Variants in CYP4X1 observed in about 807,000 individuals in gnomAD.
The protein encoded by CYP4X1 is cytochrome P450 4X1.
CYP4X1 carries 44 observed loss-of-function variants against 57.9 expected under a neutral mutation model. That is an observed-to-expected ratio of 0.76 (90% confidence interval 0.60 to 0.98). The LOEUF is 0.98. Among genes scored for constraint, CYP4X1 ranks in the 50% least tolerant of loss-of-function variants. The probability of loss-of-function intolerance (pLI) is 0.00; values close to 1 mark genes in which losing one functional copy is unlikely to be tolerated. For missense variants in CYP4X1, 532 were observed against 623.9 expected (o/e 0.85, Z 1.57); for synonymous variants, 227 against 228.6 (o/e 0.99, Z 0.06).
the CYP4X1 span, among the ~76,000 whole-genome samples, chr1:46,985,293 A>C: frequency 1.2e-4 from 18 of 152,196 alleles, no homozygotes; most frequent in Admixed American, 8.5e-4. Context: ...ATGCCACTGC[A>C]CTCCAGCCTG....
In CYP4X1 at chr1:47,050,330, C is replaced by A. The variant is rs1644350544; in HGVS notation, c.*156C>A. 2 of 701,702 alleles carry A rather than the reference C, an allele frequency of 2.9e-6. No individual in the cohort carries two copies. The highest frequency in any genetic ancestry group is 4.7e-6 in the Non-Finnish European group (2 of 427,658). 43.5% of individuals were successfully genotyped at this position (701,702 alleles called of 1,614,324 possible). A position where few individuals can be genotyped will look rare whatever the true frequency, so the allele number is the denominator to read the frequency against. On this transcript the variant is annotated 3_prime_UTR_variant, in exon 12 of 12. Transcript: ENST00000371901. Reference sequence around the variant, plus strand: ...AGAGATCCAAAATCATTTCTAGGTACACAGTGTGTCAGCTAGATCTGTTTC... The same window carrying A: ...AGAGATCCAAAATCATTTCTAGGTAAACAGTGTGTCAGCTAGATCTGTTTC...
chr1:47,020,411 TA>T (rs1222317644), upstream of CYP4X1, among the ~76,000 whole-genome samples: 1 of 152,230 alleles, frequency 6.6e-6, no homozygotes, highest in Non-Finnish European at 1.5e-5. Context: ...TCTCCTCAGC[TA>T]CAAAACTTTT....
the CYP4X1 span, among the ~76,000 whole-genome samples, chr1:47,009,586 C>T: frequency 2.0e-5 from 3 of 152,208 alleles, no homozygotes; most frequent in South Asian, 4.1e-4. Context: ...GAAATAGAGA[C>T]ACAAAAAACC....
chr1:47,054,322 C>T (rs972068891), downstream of CYP4X1, among the ~76,000 whole-genome samples: 1 of 152,088 alleles, frequency 6.6e-6, no homozygotes, highest in Admixed American at 6.5e-5. Context: ...GTTACTGTAG[C>T]CTTGTAGTAT....
chr1:46,993,530 A>C, the CYP4X1 span, among the ~76,000 whole-genome samples: 28 of 152,294 alleles, frequency 1.8e-4, no homozygotes, highest in South Asian at 1.0e-3. Flanking sequence ...AATGGTTGAA[A>C]TAGTTTACAG....
the CYP4X1 span, among the ~76,000 whole-genome samples, chr1:46,980,029 T>C: frequency 6.6e-6 from 1 of 152,196 alleles, no homozygotes. Flanking sequence ...TCATACTGAA[T>C]GGGCAAAACT....
At chr1:47,050,808 C>T (rs1569666906), downstream of CYP4X1, 2 of 152,106 alleles carry the variant, frequency 1.3e-5, no homozygotes, top group South Asian at 4.2e-4. Flanking sequence ...TAACTATTTT[C>T]CTTATTGGGC....
chr1:47,022,868 G>C (rs1052224436), upstream of CYP4X1, among the ~76,000 whole-genome samples: 1 of 152,104 alleles, frequency 6.6e-6, no homozygotes, highest in Non-Finnish European at 1.5e-5. Context: ...CAGGGAGGTG[G>C]GGGGAGACAC....
chr1:46,961,819 G>A, the CYP4X1 span: 1 of 1,258,822 alleles, frequency 7.9e-7, no homozygotes, highest in African/African-American at 1.5e-5. Context: ...GATGACCTCT[G>A]CCCTGCCCTA....
chr1:46,974,964 G>C, the CYP4X1 span, among the ~76,000 whole-genome samples: 1 of 151,922 alleles, frequency 6.6e-6, no homozygotes, highest in African/African-American at 2.4e-5. Flanking sequence ...ATATATATGA[G>C]GTATACAAGA....
upstream of CYP4X1, chr1:47,023,648 C>G: frequency 7.2e-7 from 1 of 1,394,490 alleles, no homozygotes. Flanking sequence ...CTCCTCTCCC[C>G]AGGCCTGAGC....
chr1:47,008,452 C>G, the CYP4X1 span, among the ~76,000 whole-genome samples: 9 of 152,168 alleles, frequency 5.9e-5, no homozygotes, highest in African/African-American at 9.7e-5. Flanking sequence ...ACAACCAGTA[C>G]CAGCCACTGC....
chr1:46,993,804 G>A, the CYP4X1 span, among the ~76,000 whole-genome samples: 41,363 of 151,806 alleles, frequency 0.27, 5,962 homozygotes, highest in East Asian at 0.52. Flanking sequence ...AAATTTGTTT[G>A]AGTTCTTTGT....
At chr1:47,003,940 C>T in the CYP4X1 span, among the ~76,000 whole-genome samples, 1 of 152,206 alleles carries the variant, frequency 6.6e-6, no homozygotes, top group Non-Finnish European at 1.5e-5. Context: ...AGCTAACAGT[C>T]TCAACTTGAG....
the CYP4X1 span, among the ~76,000 whole-genome samples, chr1:47,013,583 A>G: frequency 6.6e-6 from 1 of 152,230 alleles, no homozygotes. Context: ...TTTGAAATAC[A>G]CCCAAGTTGG....
At chr1:47,037,404 T>C (rs1557606530) in intron 6 of CYP4X1, among the ~76,000 whole-genome samples, 1 of 151,836 alleles carries the variant, frequency 6.6e-6, no homozygotes, top group African/African-American at 2.4e-5. Flanking sequence ...TCTGAGTAGC[T>C]GGGATTACAG....
chr1:47,042,402 CAG>C (rs1644256843), intron 8 of CYP4X1, among the ~76,000 whole-genome samples: 1 of 151,526 alleles, frequency 6.6e-6, no homozygotes, highest in African/African-American at 2.4e-5. Flanking sequence ...TTAATGAACA[CAG>C]GGTATTTTGC....
the CYP4X1 span, among the ~76,000 whole-genome samples, chr1:46,993,286 T>C: frequency 6.6e-6 from 1 of 151,184 alleles, no homozygotes. Context: ...GGCTGCATAG[T>C]ATTCCATGGT....
chr1:46,980,580 A>G, the CYP4X1 span, among the ~76,000 whole-genome samples: 5 of 152,360 alleles, frequency 3.3e-5, no homozygotes, highest in South Asian at 1.0e-3. Flanking sequence ...ATTCAATGCC[A>G]TCCCCATCAA....
Sources: allele counts gnomAD v4.1 joint callset (sites outside exome capture counted in the v4.1 genomes callset), GRCh38; gene constraint gnomAD v4.1.1; transcripts MANE v1.5; gene names NCBI Gene and HGNC (gene_info 2026-07-23, HGNC 2026-07-21).